RGS12: variants seen among roughly 807,000 people sequenced by gnomAD.
RGS12 encodes the protein regulator of G protein signaling 12, also known as regulator of G-protein signaling 12.
In RGS12, 66 loss-of-function variants were observed where a neutral mutation model predicts 120.1. The observed-to-expected ratio is 0.55, with a 90% confidence interval of 0.45 to 0.67. RGS12 has a LOEUF of 0.67. RGS12 is among the 30% of genes least tolerant of loss of function. The pLI is 0.00. For missense variants in RGS12, 1,859 were observed against 1,957.7 expected, an observed-to-expected ratio of 0.95 and a Z score of 0.95; for synonymous variants, 827 against 804.7, an observed-to-expected ratio of 1.03 and a Z score of -0.47.
At chr4:3,413,847 T>C (rs936000926) in intron 4 of RGS12, 12 of 528,458 alleles carry the variant, frequency 2.3e-5, no homozygotes, top group Middle Eastern at 2.7e-4. Flanking sequence ...TGCACACACA[T>C]GTGCAGCCGC....
chr4:3,294,129 T>C (rs1028833741), intron 1 of RGS12, among the ~76,000 whole-genome samples: 3 of 152,276 alleles, frequency 2.0e-5, no homozygotes, highest in Non-Finnish European at 4.4e-5. Context: ...GACCTGTCTT[T>C]GGAGCTGCTG....
intron 2 of RGS12, among the ~76,000 whole-genome samples, chr4:3,338,345 C>G: frequency 6.6e-6 from 1 of 152,270 alleles, no homozygotes. Flanking sequence ...CAGGCGTGAG[C>G]CACTGTGCCC....
At chr4:3,413,816 G>A (rs1303634713) in intron 4 of RGS12, 7 of 471,844 alleles carry the variant, frequency 1.5e-5, no homozygotes, top group Non-Finnish European at 2.7e-5. Context: ...GCCTGCACAT[G>A]TGAACATGTG....
chr4:3,410,550 C>T (rs1339905459), intron 4 of RGS12, among the ~76,000 whole-genome samples: 2 of 152,200 alleles, frequency 1.3e-5, no homozygotes, highest in East Asian at 1.9e-4. Flanking sequence ...ACAGCTTCAC[C>T]GTGGCTGATG....
intron 2 of RGS12, among the ~76,000 whole-genome samples, chr4:3,329,274 G>A (rs1711556845): frequency 6.6e-6 from 1 of 152,164 alleles, no homozygotes; most frequent in South Asian, 2.1e-4. Context: ...GGACCCAGGA[G>A]TGCAAGAGAT....
chr4:3,417,618 G>A (rs1371152481), intron 9 of RGS12, 77 bp downstream of exon 9: 3 of 1,528,234 alleles, frequency 2.0e-6, no homozygotes, highest in South Asian at 2.3e-5. Context: ...TCTGGTGGTT[G>A]GCGGTGACCT....
rs1008043158 is a variant in RGS12 at position 3,321,688 on chromosome 4, G to A, written c.1881+3637G>A. Among the ~76,000 whole-genome samples, 39 of 152,268 alleles carry A rather than the reference G, an allele frequency of 2.6e-4. 1 individual carries two copies. In the South Asian group the frequency reaches 3.7e-3, roughly 15 times the overall value. On this transcript the variant is annotated intron_variant, in intron 2 of 17. Coordinates refer to ENST00000336727, the MANE Select transcript of RGS12 (RefSeq NM_001394154.1). ...TTTTCTGTGGCTGTGGAGCAGCTCC[G>A]GCCTGGACAGCCACGTCAGCTCCTC...
At chr4:3,350,769 A>G (rs895465466) in intron 3 of RGS12, among the ~76,000 whole-genome samples, 2 of 152,258 alleles carry the variant, frequency 1.3e-5, no homozygotes, top group Non-Finnish European at 2.9e-5. Context: ...TATATTTTAC[A>G]TGAGTGCTTG....
chr4:3,399,737 G>A (rs1720391595), intron 4 of RGS12, among the ~76,000 whole-genome samples: 1 of 152,232 alleles, frequency 6.6e-6, no homozygotes, highest in African/African-American at 2.4e-5. Context: ...ATACAGATGA[G>A]TATATCAGTC....
chr4:3,422,949 C>T lies in RGS12; in HGVS notation c.3078C>T (p.Asp1026=), dbSNP rs746156580. Residue 1026 remains aspartate, a synonymous_variant, in exon 12 of 18, where the codon GAC becomes GAT. Transcript: ENST00000336727. Reference sequence around the variant, plus strand: ...ACAGTAGCATCTTGGAGTCAAGGGACCTGCGCCTAGAAAAGCGCACCTTGT... The same window carrying T: ...ACAGTAGCATCTTGGAGTCAAGGGATCTGCGCCTAGAAAAGCGCACCTTGT... The part of the protein sequence containing the change: ...HQDSSILESR[D]LRLEKRTLFR... The T allele has an allele frequency of 6.2e-7, 1 of 1,613,328 alleles. No homozygotes were observed. Among genetic ancestry groups the T allele is most frequent in the Non-Finnish European group, 8.5e-7 (1 of 1,179,992 alleles).
intron 6 of RGS12, among the ~76,000 whole-genome samples, chr4:3,415,184 C>T (rs905571117): frequency 3.8e-5 from 5 of 132,586 alleles, no homozygotes; most frequent in African/African-American, 1.5e-4. Context: ...GTGATAGGGC[C>T]GCGTGTGAGA....
intron 17 of RGS12, chr4:3,431,738 G>C: frequency 3.0e-6 from 3 of 985,664 alleles, no homozygotes; most frequent in Non-Finnish European, 3.6e-6. Context: ...CGCTCAGGGT[G>C]CGCGTCATGG....
At chr4:3,292,238 G>A (rs531046740), upstream of RGS12, among the ~76,000 whole-genome samples, 6 of 152,320 alleles carry the variant, frequency 3.9e-5, no homozygotes, top group South Asian at 1.2e-3. Flanking sequence ...CCTAAAGGGT[G>A]AAGGCGGCGG....
chr4:3,364,354 G>T (rs1448269073), intron 3 of RGS12, among the ~76,000 whole-genome samples: 1 of 152,164 alleles, frequency 6.6e-6, no homozygotes, highest in African/African-American at 2.4e-5. Context: ...TCCTGGCACT[G>T]GGCTCCTCTC....
chr4:3,313,915 T>G (rs1271742282), intron 1 of RGS12, among the ~76,000 whole-genome samples: 1 of 152,240 alleles, frequency 6.6e-6, no homozygotes, highest in African/African-American at 2.4e-5. Context: ...TCAGCCAGCC[T>G]GTCACACCTC....
intron 1 of RGS12, among the ~76,000 whole-genome samples, chr4:3,297,767 C>T (rs955420821): frequency 1.3e-5 from 2 of 152,164 alleles, no homozygotes; most frequent in Non-Finnish European, 2.9e-5. Flanking sequence ...CCTGCTGCGC[C>T]GCTGTCACCT....
chr4:3,369,659 G>A (rs1716761208), intron 3 of RGS12, among the ~76,000 whole-genome samples: 1 of 152,208 alleles, frequency 6.6e-6, no homozygotes, highest in African/African-American at 2.4e-5. Flanking sequence ...ATTAACAGAT[G>A]ATTTTGCAGT....
At chr4:3,405,422 G>A (rs572518293) in intron 4 of RGS12, among the ~76,000 whole-genome samples, 15 of 152,318 alleles carry the variant, frequency 9.8e-5, no homozygotes, top group African/African-American at 3.6e-4. Flanking sequence ...AGCCCAAACT[G>A]AGGGGCAGTC....
At chr4:3,394,884 A>G (rs1219688256) in intron 4 of RGS12, among the ~76,000 whole-genome samples, 1 of 151,888 alleles carries the variant, frequency 6.6e-6, no homozygotes, top group Non-Finnish European at 1.5e-5. Context: ...AAAAAAGAAG[A>G]CTGACTGGGC....
Sources: allele counts gnomAD v4.1 joint callset (sites outside exome capture counted in the v4.1 genomes callset), GRCh38; gene constraint gnomAD v4.1.1; transcripts MANE v1.5; gene names NCBI Gene and HGNC (gene_info 2026-07-23, HGNC 2026-07-21).